SNTG1: variants seen among roughly 807,000 people sequenced by gnomAD.
The protein encoded by SNTG1 is gamma-1-syntrophin.
In SNTG1, 39 loss-of-function variants were observed where a neutral mutation model predicts 74.7. The ratio of observed to expected loss-of-function variants is 0.52; its 90% CI spans 0.40 to 0.68. SNTG1 has a LOEUF of 0.68. Ranked by LOEUF, SNTG1 falls within the 30% of genes least tolerant of loss-of-function variation. The pLI, the probability that SNTG1 is intolerant of heterozygous loss-of-function variation, is 0.00. For synonymous variants in SNTG1, 254 were observed against 217.1 expected, an observed-to-expected ratio of 1.17 and a Z score of -1.49; for missense variants, 685 against 609.5, an observed-to-expected ratio of 1.12 and a Z score of -1.30.
At chr8:49,992,557 G>A (rs1348898227) in intron 1 of SNTG1, among the ~76,000 whole-genome samples, 1 of 152,058 alleles carries the variant, frequency 6.6e-6, no homozygotes, top group Non-Finnish European at 1.5e-5. Flanking sequence ...GTGCATACAG[G>A]GAGCCTCAGC....
At chr8:50,367,505 G>T (rs186610330) in intron 2 of SNTG1, among the ~76,000 whole-genome samples, 1 of 152,146 alleles carries the variant, frequency 6.6e-6, no homozygotes, top group East Asian at 1.9e-4. Context: ...AGAGAAATAT[G>T]TGTTTACTTA....
chr8:50,493,789 A>G (rs975615734), intron 8 of SNTG1, among the ~76,000 whole-genome samples: 2 of 151,034 alleles, frequency 1.3e-5, no homozygotes, highest in African/African-American at 4.9e-5. Flanking sequence ...ATACTTTTAT[A>G]TAAATAAAGA....
intron 2 of SNTG1, among the ~76,000 whole-genome samples, chr8:50,279,958 A>G (rs1224209964): frequency 6.6e-6 from 1 of 152,186 alleles, no homozygotes; most frequent in East Asian, 1.9e-4. Flanking sequence ...CACCCTTACA[A>G]ATGGATATTT....
At chr8:50,367,891 A>C (rs530853286) in intron 2 of SNTG1, among the ~76,000 whole-genome samples, 29 of 152,250 alleles carry the variant, frequency 1.9e-4, no homozygotes, top group Middle Eastern at 6.8e-3. Flanking sequence ...TATAACTAAT[A>C]CCTAAAAATG....
At chr8:50,343,683 T>C (rs970573863) in intron 2 of SNTG1, among the ~76,000 whole-genome samples, 1 of 152,188 alleles carries the variant, frequency 6.6e-6, no homozygotes, top group Non-Finnish European at 1.5e-5. Context: ...CATCAGAAAT[T>C]ACATTAATCA....
rs547933482 is a variant in SNTG1, at chr8:50,113,956, G to T, written c.-102-58605G>T. On this transcript the variant is annotated intron_variant, in intron 1 of 18. Transcript: ENST00000642720. The stretch of plus-strand genomic sequence containing the variant: ...AATAAATAAATAAATAAATAAATAT[G>T]CATGGATGTCTCAACTTCACATAAA... Among the ~76,000 whole-genome samples the T allele has an allele frequency of 8.6e-5, 13 of 151,428 alleles. No homozygotes were observed. In the East Asian group the frequency reaches 1.7e-3, roughly 20 times the overall value.
intron 13 of SNTG1, among the ~76,000 whole-genome samples, chr8:50,627,898 C>T (rs948870447): frequency 3.3e-5 from 5 of 152,152 alleles, no homozygotes; most frequent in Non-Finnish European, 5.9e-5. Context: ...CTTATGGAGA[C>T]TGCATTACAT....
At position 50,501,425 on chromosome 8, in the gene SNTG1, G is replaced by GTT. The variant is rs59123896; in HGVS notation, c.364-1325_364-1324dup. Among the ~76,000 whole-genome samples, 13 of 57,098 alleles carry GTT rather than the reference G, an allele frequency of 2.3e-4. 3 individuals are homozygous for GTT. Among genetic ancestry groups the GTT allele is most frequent in the African/African-American group, 7.8e-4 (8 of 10,230 alleles). The allele number at this position is 57,098 out of a possible 152,430, so 37.5% of individuals were successfully genotyped here. A position where few individuals can be genotyped will look rare whatever the true frequency, so the allele number is the denominator to read the frequency against. ...GGAGCAGAGAGAGATGAGCCTGTGCGTTTTTTTTTTTTTTTTTTTTTTTTT... is the reference window on the plus strand; with the variant it reads ...GGAGCAGAGAGAGATGAGCCTGTGCGTTTTTTTTTTTTTTTTTTTTTTTTTTT... On this transcript the variant is annotated intron_variant, in intron 8 of 18. Transcript: ENST00000642720.
rs530131234 is a variant in SNTG1, at chr8:50,701,318, A to G, written c.1039-3282A>G. ...TTTTGCTATAGTAGCTTGTCATTAT[A>G]CTGTGTTCAAGTCCAAAATTTATAA... On this transcript the variant is annotated intron_variant, in intron 15 of 18. Transcript: ENST00000642720. 2.6e-5 allele frequency among the ~76,000 whole-genome samples: 4 copies of G among 152,320 alleles called. No homozygotes were observed. The East Asian group carries it at 7.7e-4, about 29-fold the overall frequency.
intron 15 of SNTG1, among the ~76,000 whole-genome samples, chr8:50,673,334 G>C (rs1030352236): frequency 7.2e-5 from 11 of 152,078 alleles, no homozygotes; most frequent in African/African-American, 2.2e-4. Context: ...CCATTTGTTT[G>C]TGTCCTCTCT....
At chr8:50,134,008 T>C (rs1354946275) in intron 1 of SNTG1, among the ~76,000 whole-genome samples, 1 of 152,168 alleles carries the variant, frequency 6.6e-6, no homozygotes, top group Non-Finnish European at 1.5e-5. Context: ...AGGCTGTGCT[T>C]AAATTTTCTA....
chr8:50,071,866 G>T (rs1252279206), intron 1 of SNTG1, among the ~76,000 whole-genome samples: 1 of 150,004 alleles, frequency 6.7e-6, no homozygotes, highest in Non-Finnish European at 1.5e-5. Flanking sequence ...AGTTTCAGTT[G>T]ATACATTTTT....
chr8:49,997,827 T>C (rs1209748011), intron 1 of SNTG1, among the ~76,000 whole-genome samples: 2 of 152,198 alleles, frequency 1.3e-5, no homozygotes, highest in East Asian at 3.9e-4. Flanking sequence ...TCTGGTTTCA[T>C]GTCTTTAGAG....
intron 1 of SNTG1, among the ~76,000 whole-genome samples, chr8:50,159,340 G>T (rs1039238171): frequency 2.0e-5 from 3 of 151,954 alleles, no homozygotes; most frequent in African/African-American, 7.3e-5. Flanking sequence ...TACGTTTCCT[G>T]GTTATACCAA....
chr8:50,052,213 T>C (rs554310283), intron 1 of SNTG1, among the ~76,000 whole-genome samples: 2 of 152,190 alleles, frequency 1.3e-5, no homozygotes, highest in African/African-American at 2.4e-5. Flanking sequence ...TGTAATGTAA[T>C]ATAAAGATAC....
chr8:50,551,149 C>T (rs1212266311), intron 11 of SNTG1, among the ~76,000 whole-genome samples: 3 of 152,068 alleles, frequency 2.0e-5, no homozygotes, highest in Admixed American at 1.3e-4. Context: ...ACCTTCTTTA[C>T]TTAGTAATGG....
intron 4 of SNTG1, among the ~76,000 whole-genome samples, chr8:50,414,586 C>T (rs1424350512): frequency 1.3e-5 from 2 of 152,044 alleles, no homozygotes; most frequent in Non-Finnish European, 2.9e-5. Flanking sequence ...TTCCTGACAA[C>T]CGAGACATTT....
chr8:50,444,735 G>A lies in SNTG1; in HGVS notation c.220-4933G>A, dbSNP rs190208189. Among the ~76,000 whole-genome samples the A allele has an allele frequency of 2.7e-3, 346 of 130,310 alleles. 1 individual carries two copies. Among genetic ancestry groups the A allele is most frequent in the African/African-American group, 9.9e-3 (334 of 33,740 alleles). The allele number at this position is 130,310 out of a possible 152,430, so 85.5% of individuals were successfully genotyped here. The stretch of plus-strand genomic sequence containing the variant: ...ACTGCACTCCAGCCTGGGCGACAGA[G>A]CAAGACTCCATCTCAGAAAAAAAAA... On this transcript the variant is annotated intron_variant, in intron 5 of 18. Transcript: ENST00000642720.
chr8:50,596,531 T>C (rs888026614), intron 13 of SNTG1, among the ~76,000 whole-genome samples: 1 of 152,172 alleles, frequency 6.6e-6, no homozygotes, highest in African/African-American at 2.4e-5. Flanking sequence ...AGCATATGTG[T>C]TGAAAGTATT....
Sources: allele counts gnomAD v4.1 joint callset (sites outside exome capture counted in the v4.1 genomes callset), GRCh38; gene constraint gnomAD v4.1.1; transcripts MANE v1.5; gene names NCBI Gene and HGNC (gene_info 2026-07-23, HGNC 2026-07-21).